The following CEP41 variants were observed in gnomAD, a reference collection of about 807,000 sequenced individuals.
The protein encoded by CEP41 is centrosomal protein of 41 kDa.
CEP41 carries 32 observed loss-of-function variants against 44.3 expected under a neutral mutation model. That is an observed-to-expected ratio of 0.72 (90% CI 0.54 to 0.97). The LOEUF is 0.97. Among genes scored for constraint, CEP41 ranks in the 50% least tolerant of loss-of-function variants. The pLI is 0.00. For synonymous variants in CEP41, 151 were observed against 168.5 expected (o/e 0.90, Z 0.80); for missense variants, 432 against 455.2 (o/e 0.95, Z 0.46).
chr7:130,416,887 C>G, intron 3 of CEP41, 32 bp downstream of exon 3: 1 of 1,517,058 alleles, frequency 6.6e-7, no homozygotes, highest in South Asian at 1.1e-5. Flanking sequence ...TATAGACTTC[C>G]ACTCTCCCAA....
At chr7:130,435,980 T>C (rs1797949334) in intron 1 of CEP41, among the ~76,000 whole-genome samples, 1 of 152,030 alleles carries the variant, frequency 6.6e-6, no homozygotes, top group Non-Finnish European at 1.5e-5. Context: ...TGGTGAAATG[T>C]TGTCTCTACT....
At chr7:130,418,803 T>C (rs1797415729) in intron 2 of CEP41, among the ~76,000 whole-genome samples, 1 of 152,202 alleles carries the variant, frequency 6.6e-6, no homozygotes. Context: ...GTGGGGATCA[T>C]CTTGTGTTGT....
At chr7:130,412,351 TA>T (rs1797208835) in intron 3 of CEP41, 111 bp from the exon 4 acceptor site, 2 of 680,050 alleles carry the variant, frequency 2.9e-6, no homozygotes, top group African/African-American at 1.8e-5. Flanking sequence ...TTACATCTAT[TA>T]TCTCATTTGA....
chr7:130,434,045 T>C (rs1797896756), intron 1 of CEP41, among the ~76,000 whole-genome samples: 2 of 152,090 alleles, frequency 1.3e-5, no homozygotes, highest in Non-Finnish European at 2.9e-5. Context: ...TGATCTTCTG[T>C]GGATAAAAAA....
chr7:130,441,700 A>C (rs1229424262), upstream of CEP41, among the ~76,000 whole-genome samples: 5 of 152,184 alleles, frequency 3.3e-5, no homozygotes, highest in Admixed American at 3.3e-4. Flanking sequence ...GAATGGGAGG[A>C]TGACTAGGAC....
intron 1 of CEP41, among the ~76,000 whole-genome samples, chr7:130,435,051 T>A (rs549269455): frequency 6.6e-6 from 1 of 152,184 alleles, no homozygotes; most frequent in Non-Finnish European, 1.5e-5. Flanking sequence ...ATCTCCAGGA[T>A]ATATTGTTAA....
intron 1 of CEP41, among the ~76,000 whole-genome samples, chr7:130,429,189 T>C (rs2117680649): frequency 6.6e-6 from 1 of 152,300 alleles, no homozygotes; most frequent in African/African-American, 2.4e-5. Context: ...GCTCCAGATG[T>C]GGGCAGGCCA....
chr7:130,430,592 C>T (rs1554424864), intron 1 of CEP41, among the ~76,000 whole-genome samples: 1 of 152,090 alleles, frequency 6.6e-6, no homozygotes, highest in East Asian at 1.9e-4. Flanking sequence ...ATTGAAAAGC[C>T]AGACTTCAGT....
intron 1 of CEP41, among the ~76,000 whole-genome samples, chr7:130,428,339 G>A (rs1426980489): frequency 1.4e-5 from 2 of 141,664 alleles, no homozygotes; most frequent in African/African-American, 2.6e-5. Context: ...CAGGAGAATC[G>A]CTTGATCCCG....
chr7:130,433,854 G>A (rs782175687), intron 1 of CEP41, among the ~76,000 whole-genome samples: 9 of 152,196 alleles, frequency 5.9e-5, no homozygotes, highest in Non-Finnish European at 1.2e-4. Context: ...CTACTAATGA[G>A]AGAGCAACAA....
At chr7:130,440,585 C>G (rs1798118175) in intron 1 of CEP41, 2 of 484,304 alleles carry the variant, frequency 4.1e-6, no homozygotes, top group Non-Finnish European at 7.5e-6. Context: ...GCTTTCAACA[C>G]GTGCCATTAG....
At position 130,398,205 on chromosome 7, in the gene CEP41, T is replaced by G; in HGVS notation, c.*686A>C. ...CCTCCCCGGTGTGAAGACACCCACA[T>G]GCATACCTTTCTGGCTCCAGGAAAT... On this transcript the variant is annotated 3_prime_UTR_variant, in exon 11 of 11. Transcript: ENST00000223208. The G allele has an allele frequency of 2.2e-6, 1 of 454,048 alleles. No homozygotes were observed. Among genetic ancestry groups the G allele is most frequent in the Non-Finnish European group, 4.4e-6 (1 of 226,752 alleles). 28.1% of individuals were successfully genotyped at this position (454,048 alleles called of 1,614,324 possible).
chr7:130,402,748 T>A lies in CEP41; in HGVS notation c.474A>T (p.Lys158Asn). The A allele has an allele frequency of 6.2e-7, 1 of 1,614,206 alleles. No individual in the cohort carries two copies. ...ELDLDKGPVK[K>N]AEPHTKDKPY... ...GTTTGTCTTTGGTATGGGGCTCTGC[T>A]TTCTTCACTGGCCCTTTGTCTAGAT... The change falls in exon 7 of 11, where the codon AAA becomes AAT. Residue 158 changes from lysine (K) to asparagine (N), a missense_variant. By Grantham distance (94) the Lys-to-Asn change is moderately conservative. Transcript: ENST00000223208.
intron 5 of CEP41, among the ~76,000 whole-genome samples, chr7:130,406,043 G>A (rs1796998246): frequency 6.6e-6 from 1 of 152,042 alleles, no homozygotes; most frequent in Non-Finnish European, 1.5e-5. Context: ...TGGAAATAAT[G>A]CTATTTTTCA....
At position 130,397,581 on chromosome 7, in the gene CEP41, T is replaced by C. The variant is rs188921111; in HGVS notation, c.*1310A>G. The C allele has an allele frequency of 2.2e-5, 10 of 446,666 alleles. No homozygotes were observed. Among genetic ancestry groups the C allele is most frequent in the Non-Finnish European group, 4.0e-5 (9 of 225,996 alleles). 27.7% of individuals were successfully genotyped at this position (446,666 alleles called of 1,614,324 possible). A position where few individuals can be genotyped will look rare whatever the true frequency, so the allele number is the denominator to read the frequency against. On this transcript the variant is annotated 3_prime_UTR_variant, in exon 11 of 11. Coordinates refer to ENST00000223208, the MANE Select transcript of CEP41 (RefSeq NM_018718.3). ...TAAGGCAAATCTTACCCCGTAGCAG[T>C]TACCAGCAGGACAGGCAATTTTCAG...
At chr7:130,429,873 G>A (rs1403593152) in intron 1 of CEP41, among the ~76,000 whole-genome samples, 2 of 152,260 alleles carry the variant, frequency 1.3e-5, no homozygotes, top group South Asian at 2.1e-4. Context: ...GGTTGTATTC[G>A]CCTAGGACCT....
Position 130,439,601 on chromosome 7 carries a change from T to A in CEP41, c.33+1333A>T, listed in dbSNP as rs555000501. Among the ~76,000 whole-genome samples the A allele has an allele frequency of 3.3e-5, 5 of 152,324 alleles. 1 individual carries two copies. The East Asian group carries it at 7.7e-4, about 23-fold the overall frequency. On this transcript the variant is annotated intron_variant, in intron 1 of 10. Coordinates refer to ENST00000223208, the MANE Select transcript of CEP41 (RefSeq NM_018718.3). ...CTTCTATGAGCTGGACTTTTTAAGA[T>A]GCCACGTATAAGTGAGATCATGCAG...
chr7:130,402,569 G>T, intron 7 of CEP41, 79 bp downstream of exon 7: 1 of 1,489,100 alleles, frequency 6.7e-7, no homozygotes, highest in Non-Finnish European at 9.4e-7. Flanking sequence ...ACCATGGGCT[G>T]TGGTTCCAGC....
Position 130,399,931 on chromosome 7 carries a change from T to A in CEP41, c.973+108A>T, listed in dbSNP as rs967815880. On this transcript the variant is annotated intron_variant, in intron 10 of 10. Transcript: ENST00000223208. Reference sequence around the variant, plus strand: ...CCCTCCCCAGCACCTGTAACATACCTCCCTAGTATTTTAAGAATCTAAATA... The same window carrying A: ...CCCTCCCCAGCACCTGTAACATACCACCCTAGTATTTTAAGAATCTAAATA... 4 of 877,572 alleles carry A rather than the reference T, an allele frequency of 4.6e-6. No homozygotes were observed. In the South Asian group the frequency reaches 5.3e-5, roughly 12 times the overall value. The allele number at this position is 877,572 out of a possible 1,614,324, so 54.4% of individuals were successfully genotyped here.
Sources: allele counts gnomAD v4.1 joint callset (sites outside exome capture counted in the v4.1 genomes callset), GRCh38; gene constraint gnomAD v4.1.1; transcripts MANE v1.5; gene names NCBI Gene and HGNC (gene_info 2026-07-23, HGNC 2026-07-21).